The following UNC45B variants were observed in gnomAD, a reference collection of about 807,000 sequenced individuals.
The protein encoded by UNC45B is protein unc-45 homolog B.
Under a neutral mutation model 98.7 loss-of-function variants are expected in UNC45B, and 78 were observed. That is an observed-to-expected ratio of 0.79 (90% CI 0.66 to 0.95). The LOEUF is 0.95. Among genes scored for constraint, UNC45B ranks in the 40% least tolerant of loss-of-function variants. The pLI, the probability that UNC45B is intolerant of heterozygous loss-of-function variation, is 0.00. For missense variants in UNC45B, 1,225 were observed against 1,184.9 expected, an observed-to-expected ratio of 1.03 and a Z score of -0.50; for synonymous variants, 462 against 480.4, an observed-to-expected ratio of 0.96 and a Z score of 0.50.
At chr17:35,178,229 C>G (rs1369435571) in intron 17 of UNC45B, among the ~76,000 whole-genome samples, 2 of 152,204 alleles carry the variant, frequency 1.3e-5, no homozygotes, top group Non-Finnish European at 2.9e-5. Flanking sequence ...GTAATGATCA[C>G]CATTCTAACT....
intron 15 of UNC45B, 141 bp downstream of exon 15, chr17:35,176,175 G>A (rs2092232195): frequency 2.7e-6 from 2 of 749,738 alleles, no homozygotes; most frequent in East Asian, 5.3e-5. Flanking sequence ...ATAGCCCCAA[G>A]CCAATTTCTG....
intron 8 of UNC45B, among the ~76,000 whole-genome samples, chr17:35,159,785 T>C (rs1012389471): frequency 6.6e-6 from 1 of 152,100 alleles, no homozygotes; most frequent in Admixed American, 6.5e-5. Flanking sequence ...AACATGTGGG[T>C]GAAGCAACCT....
At chr17:35,163,504 ATACT>A (rs1018015273) in intron 8 of UNC45B, among the ~76,000 whole-genome samples, 11 of 152,376 alleles carry the variant, frequency 7.2e-5, no homozygotes, top group East Asian at 5.8e-4. Flanking sequence ...TACTAAATAA[ATACT>A]TAATAAATAC....
rs376531824 is a variant in UNC45B, at chr17:35,183,018, C to T, written c.2374-409C>T. Among the ~76,000 whole-genome samples the T allele has an allele frequency of 3.3e-5, 5 of 151,888 alleles. No individual in the cohort carries two copies. In the East Asian group the frequency reaches 7.7e-4, roughly 23 times the overall value. On this transcript the variant is annotated intron_variant, in intron 18 of 19. Coordinates refer to ENST00000394570, the MANE Select transcript of UNC45B (RefSeq NM_001267052.2). ...AAGCAAACCACATAATTGTTCCCTGCTTCTGCCCCAGTCCCTGCAAAATCA... is the reference window on the plus strand; with the variant it reads ...AAGCAAACCACATAATTGTTCCCTGTTTCTGCCCCAGTCCCTGCAAAATCA...
intron 7 of UNC45B, among the ~76,000 whole-genome samples, chr17:35,159,073 G>T (rs928922771): frequency 6.6e-6 from 1 of 152,142 alleles, no homozygotes; most frequent in Admixed American, 6.5e-5. Flanking sequence ...AGCATCCCTG[G>T]ATCTCTGCCA....
intron 17 of UNC45B, 98 bp from the exon 18 acceptor site, chr17:35,180,461 A>G: frequency 1.1e-6 from 1 of 888,726 alleles, no homozygotes; most frequent in Non-Finnish European, 1.8e-6. Context: ...TGGGAAGGAC[A>G]GCACCAGAAT....
At chr17:35,164,889 A>AT (rs570883756) in intron 9 of UNC45B, among the ~76,000 whole-genome samples, 192 of 142,672 alleles carry the variant, frequency 1.3e-3, no homozygotes, top group African/African-American at 2.0e-3. Flanking sequence ...TGCTGGGCTA[A>AT]TTTTTTTTTT....
intron 4 of UNC45B, among the ~76,000 whole-genome samples, chr17:35,150,468 G>T (rs1236828067): frequency 6.6e-6 from 1 of 152,242 alleles, no homozygotes; most frequent in African/African-American, 2.4e-5. Context: ...TCCAGATGGG[G>T]CCAGGCACAG....
chr17:35,153,287 C>A (rs146046156), intron 5 of UNC45B, among the ~76,000 whole-genome samples: 3 of 152,018 alleles, frequency 2.0e-5, no homozygotes, highest in African/African-American at 7.3e-5. Context: ...GATTATTATT[C>A]GATTATTGAG....
intron 13 of UNC45B, among the ~76,000 whole-genome samples, chr17:35,173,958 C>CCCG (rs1266989913): frequency 6.6e-6 from 1 of 151,484 alleles, no homozygotes; most frequent in Non-Finnish European, 1.5e-5. Context: ...ACTACAGGTG[C>CCCG]CCGCCACCAC....
Position 35,175,633 on chromosome 17 carries a change from G to A in UNC45B, c.1959-335G>A, listed in dbSNP as rs115214130. Among the ~76,000 whole-genome samples, 780 of 152,272 alleles carry A rather than the reference G, an allele frequency of 5.1e-3. 2 individuals carry two copies. The highest frequency in any genetic ancestry group is 0.018 in the African/African-American group (733 of 41,546). On this transcript the variant is annotated intron_variant, in intron 14 of 19. Coordinates refer to ENST00000394570, the MANE Select transcript of UNC45B (RefSeq NM_001267052.2). ...CATAGGAAGAGCTGGTGCTGGATGA[G>A]ACAAAAGAGGAAGCCAGAGCCAGAT...
chr17:35,163,366 GT>G (rs2092115214), intron 8 of UNC45B, among the ~76,000 whole-genome samples: 1 of 152,114 alleles, frequency 6.6e-6, no homozygotes, highest in Admixed American at 6.5e-5. Flanking sequence ...TACCCCAAAG[GT>G]GCTCATTTAT....
chr17:35,187,100 T>TATCTAAAGTAA lies in UNC45B; in HGVS notation c.*542_*543insTCTAAAGTAAA. The stretch of plus-strand genomic sequence containing the variant: ...TCCCATCACTTCACTGTGATGGAAA[T>TATCTAAAGTAA]AGAGTTTATGTTCAACAGTGGGGCA... On this transcript the variant is annotated 3_prime_UTR_variant, in exon 20 of 20. Coordinates refer to ENST00000394570, the MANE Select transcript of UNC45B (RefSeq NM_001267052.2). 1 of 154,542 alleles carries TATCTAAAGTAA rather than the reference T, an allele frequency of 6.5e-6. No homozygotes were observed. Among genetic ancestry groups the TATCTAAAGTAA allele is most frequent in the Non-Finnish European group, 1.4e-5 (1 of 69,270 alleles). 9.6% of individuals were successfully genotyped at this position (154,542 alleles called of 1,614,324 possible).
intron 13 of UNC45B, among the ~76,000 whole-genome samples, chr17:35,171,843 A>G (rs1483826189): frequency 1.3e-5 from 2 of 152,242 alleles, no homozygotes; most frequent in African/African-American, 4.8e-5. Context: ...AGTAGGAATC[A>G]TGAGAGGAGA....
chr17:35,156,557 C>T (rs1001234960), intron 7 of UNC45B, among the ~76,000 whole-genome samples: 2 of 151,854 alleles, frequency 1.3e-5, no homozygotes, highest in Non-Finnish European at 2.9e-5. Flanking sequence ...GCCGGGGAGG[C>T]GAAGTTTGCA....
rs565969561 is a variant in UNC45B, at chr17:35,151,793, C to T, written c.382-1100C>T. ...GATAGGCGAAGGAAAGACCTCTCCG[C>T]ACCCCCAAAGGAAATGAGCACAAGG... On this transcript the variant is annotated intron_variant, in intron 4 of 19. Transcript: ENST00000394570. 2.7e-3 allele frequency among the ~76,000 whole-genome samples: 414 copies of T among 152,266 alleles called. 4 individuals carry two copies. Among genetic ancestry groups the T allele is most frequent in the African/African-American group, 9.3e-3 (385 of 41,550 alleles).
chr17:35,155,434 CA>C lies in UNC45B; in HGVS notation c.779del (p.His260LeufsTer10). ...CTTGTCTGGGGAGGACAAGCGGGAG[CA>C]TCGAGGGAAGGAGGAGGCCCTGGTT... ...DSLSGEDKRE[H>X]RGKEEALVLD... On this transcript the variant is annotated frameshift_variant, in exon 7 of 20. Transcript: ENST00000394570. LOFTEE classifies it high-confidence loss of function. The C allele has an allele frequency of 6.2e-7, 1 of 1,614,142 alleles. No individual in the cohort carries two copies. The highest frequency in any genetic ancestry group is 1.1e-5 in the South Asian group (1 of 91,074).
rs1445777949 is a variant in UNC45B at position 35,168,316 on chromosome 17, C to A, written c.1407C>A (p.Ile469=). 7.2e-7 allele frequency: 1 copy of A among 1,396,460 alleles called. No homozygotes were observed. Among genetic ancestry groups the A allele is most frequent in the Non-Finnish European group, 9.4e-7 (1 of 1,064,102 alleles). The allele number at this position is 1,396,460 out of a possible 1,614,324, so 86.5% of individuals were successfully genotyped here. The part of the protein sequence containing the change: ...ITNGVSLLKQ[I]YKTTKNEKIK... ...ATGGAGTGTCACTGCTCAAACAGAT[C>A]TACAAGACCACCAAAAATGAGAAGA... The change falls in exon 10 of 20, where the codon ATC becomes ATA. Residue 469 remains isoleucine, a synonymous_variant. Transcript: ENST00000394570.
At chr17:35,176,073 C>A (rs969944558) in intron 15 of UNC45B, 39 bp downstream of exon 15, 7 of 1,598,528 alleles carry the variant, frequency 4.4e-6, no homozygotes, top group Non-Finnish European at 6.0e-6. Context: ...TGCCTTTGTG[C>A]ATGCTCTTTG....
Sources: gnomAD v4.1 joint callset for allele counts (sites outside exome capture counted in the v4.1 genomes callset) on GRCh38, gnomAD v4.1.1 for gene constraint, MANE v1.5 for transcripts, NCBI Gene and HGNC (gene_info 2026-07-23, HGNC 2026-07-21) for gene names.